Variants in IL15 observed in about 807,000 individuals in gnomAD.
The protein encoded by IL15 is interleukin 15.
IL15 carries 11 observed loss-of-function variants against 19.6 expected under a neutral mutation model. The ratio of observed to expected loss-of-function variants is 0.56; its 90% CI spans 0.35 to 0.93. The LOEUF (loss-of-function observed/expected upper bound fraction) is 0.93. IL15 is among the 40% of genes least tolerant of loss of function. IL15 has a pLI of 0.01. For missense variants in IL15, 197 were observed against 186.5 expected (o/e 1.06, Z -0.33); for synonymous variants, 58 against 59.6 (o/e 0.97, Z 0.12).
chr4:141,720,522 C>G lies in IL15; in HGVS notation c.66C>G (p.Asn22Lys), dbSNP rs766583451. 3.7e-6 allele frequency: 6 copies of G among 1,601,302 alleles called. No individual in the cohort carries two copies. The highest frequency in any genetic ancestry group is 1.7e-5 in the Admixed American group (1 of 59,810). ...SIQCYLCLLLNSHFLTEAGIH... is the reference protein window; with the variant it reads ...SIQCYLCLLLKSHFLTEAGIH... ...AGTGCTACTTGTGTTTACTTCTAAA[C>G]AGTCATTTTCTAACTGAAGCTGGCA... The change falls in exon 4 of 8, where the codon AAC (asparagine) becomes AAG (lysine). Residue 22 changes from asparagine (N) to lysine (K), a missense_variant. Coordinates refer to ENST00000320650, the MANE Select transcript of IL15 (RefSeq NM_000585.5).
chr4:141,684,449 C>A (rs150483472), intron 2 of IL15, among the ~76,000 whole-genome samples: 11 of 152,156 alleles, frequency 7.2e-5, no homozygotes, highest in Non-Finnish European at 1.6e-4. Context: ...GCATCACTGT[C>A]TAAGAATCTA....
At chr4:141,648,264 TTA>T (rs1168334162) in intron 1 of IL15, among the ~76,000 whole-genome samples, 1 of 152,088 alleles carries the variant, frequency 6.6e-6, no homozygotes, top group Non-Finnish European at 1.5e-5. Context: ...TTTAACTTCC[TTA>T]TTAGGAGTAT....
In IL15 at chr4:141,688,820, A is replaced by G. The variant is rs185245653; in HGVS notation, c.-99-30546A>G. The G allele has an allele frequency of 1.2e-4, 18 of 155,184 alleles. No homozygotes were observed. The East Asian group carries it at 3.4e-3, about 29-fold the overall frequency. 9.6% of individuals were successfully genotyped at this position (155,184 alleles called of 1,614,324 possible). A position where few individuals can be genotyped will look rare whatever the true frequency, so the allele number is the denominator to read the frequency against. On this transcript the variant is annotated intron_variant, in intron 2 of 7. Transcript: ENST00000320650. ...CTCAGATCAGTCCTGTCTTGTTTAC[A>G]GTTTCAACTAGTGGCCCCACTGTGT...
At chr4:141,670,544 T>G (rs1371765329) in intron 2 of IL15, among the ~76,000 whole-genome samples, 2 of 152,122 alleles carry the variant, frequency 1.3e-5, no homozygotes, top group African/African-American at 4.8e-5. Context: ...ATCACTAGAG[T>G]TTAAGTCTAT....
At chr4:141,691,693 TG>T (rs1052747706) in intron 2 of IL15, among the ~76,000 whole-genome samples, 1 of 152,192 alleles carries the variant, frequency 6.6e-6, no homozygotes, top group African/African-American at 2.4e-5. Flanking sequence ...TCTCATATCC[TG>T]GGCAGGCTAA....
chr4:141,649,418 A>T (rs1276042800), intron 1 of IL15, among the ~76,000 whole-genome samples: 1 of 152,086 alleles, frequency 6.6e-6, no homozygotes, highest in Non-Finnish European at 1.5e-5. Context: ...TGGTGCAGGG[A>T]CTACCAGTAG....
chr4:141,728,712 G>C (rs1730350158), intron 6 of IL15, among the ~76,000 whole-genome samples: 1 of 152,108 alleles, frequency 6.6e-6, no homozygotes, highest in Non-Finnish European at 1.5e-5. Context: ...GCATTGGAAA[G>C]AAACCATAGT....
chr4:141,677,531 G>A (rs1728387888), intron 2 of IL15, among the ~76,000 whole-genome samples: 1 of 152,196 alleles, frequency 6.6e-6, no homozygotes, highest in Non-Finnish European at 1.5e-5. Context: ...GGGGATCAGT[G>A]CCCCAGCCCG....
intron 2 of IL15, chr4:141,716,725 C>G (rs2152188326): frequency 6.6e-6 from 1 of 152,346 alleles, no homozygotes; most frequent in South Asian, 2.1e-4. Flanking sequence ...GCATGAGACT[C>G]CAACCCATGA....
At position 141,729,756 on chromosome 4, in the gene IL15, T is replaced by A. The variant is rs527245789; in HGVS notation, c.241-91T>A. On this transcript the variant is annotated intron_variant, in intron 6 of 7. Coordinates refer to ENST00000320650, the MANE Select transcript of IL15 (RefSeq NM_000585.5). Reference sequence around the variant, plus strand: ...GGATATTGTGTATCTTTATAAAATATTTGGATTGACTTTTTGAAAATCAAA... The same window carrying A: ...GGATATTGTGTATCTTTATAAAATAATTGGATTGACTTTTTGAAAATCAAA... 5.5e-6 allele frequency: 4 copies of A among 720,814 alleles called. No homozygotes were observed. The South Asian group carries it at 5.6e-5, about 10-fold the overall frequency. 44.7% of individuals were successfully genotyped at this position (720,814 alleles called of 1,614,324 possible).
intron 2 of IL15, among the ~76,000 whole-genome samples, chr4:141,705,446 C>G (rs1411802326): frequency 3.9e-5 from 6 of 151,938 alleles, no homozygotes; most frequent in Non-Finnish European, 1.5e-5. Flanking sequence ...AGGAAAGATA[C>G]TTGATATGAT....
chr4:141,690,128 A>C (rs1728860102), intron 2 of IL15, among the ~76,000 whole-genome samples: 1 of 151,622 alleles, frequency 6.6e-6, no homozygotes, highest in African/African-American at 2.4e-5. Context: ...GCCCGGGGCC[A>C]GCACGGCCAG....
intron 2 of IL15, among the ~76,000 whole-genome samples, chr4:141,689,633 G>A (rs982191660): frequency 5.3e-5 from 8 of 152,104 alleles, no homozygotes; most frequent in East Asian, 1.9e-4. Context: ...AGATAGTGTC[G>A]ATTGGTGCAT....
chr4:141,660,827 C>T (rs1727761787), intron 2 of IL15, among the ~76,000 whole-genome samples: 1 of 152,002 alleles, frequency 6.6e-6, no homozygotes, highest in South Asian at 2.1e-4. Context: ...TCATTAGGTA[C>T]ATTTCCTAGG....
intron 2 of IL15, among the ~76,000 whole-genome samples, chr4:141,713,223 T>C (rs1466162395): frequency 6.6e-6 from 1 of 152,158 alleles, no homozygotes; most frequent in East Asian, 1.9e-4. Context: ...GATAGGAAGA[T>C]TGGAGATGTT....
In IL15 at chr4:141,651,689, C is replaced by T. The variant is rs372472093; in HGVS notation, c.-221-4497C>T. On this transcript the variant is annotated intron_variant, in intron 1 of 7. Transcript: ENST00000320650. The stretch of plus-strand genomic sequence containing the variant: ...GATAATTTTCTATATTGTATTCCAA[C>T]CCGGATGATATACATATATATTCGG... 7.7e-4 allele frequency among the ~76,000 whole-genome samples: 117 copies of T among 151,822 alleles called. 1 individual carries two copies. Among genetic ancestry groups the T allele is most frequent in the African/African-American group, 2.8e-3 (114 of 41,202 alleles).
At chr4:141,688,560 C>CTA (rs1436704380) in intron 2 of IL15, among the ~76,000 whole-genome samples, 1 of 152,180 alleles carries the variant, frequency 6.6e-6, no homozygotes, top group African/African-American at 2.4e-5. Flanking sequence ...AAGCCACTAT[C>CTA]TATAGAAAGG....
intron 2 of IL15, among the ~76,000 whole-genome samples, chr4:141,698,991 C>T (rs1000993368): frequency 2.6e-5 from 4 of 152,076 alleles, no homozygotes; most frequent in Admixed American, 2.0e-4. Flanking sequence ...CTTAGCACTG[C>T]TTTTGCTGTA....
intron 1 of IL15, among the ~76,000 whole-genome samples, chr4:141,641,364 G>A (rs1727035636): frequency 1.3e-5 from 2 of 151,966 alleles, no homozygotes; most frequent in Admixed American, 6.6e-5. Context: ...TATACCCAAA[G>A]GATTATAAAT....
Sources: allele counts gnomAD v4.1 joint callset (sites outside exome capture counted in the v4.1 genomes callset), GRCh38; gene constraint gnomAD v4.1.1; transcripts MANE v1.5; gene names NCBI Gene and HGNC (gene_info 2026-07-23, HGNC 2026-07-21).